The following GNB5 variants were observed in gnomAD, a reference collection of about 807,000 sequenced individuals.
GNB5 encodes the protein G protein subunit beta 5.
GNB5 carries 37 observed loss-of-function variants against 55.3 expected under a neutral mutation model. The ratio of observed to expected loss-of-function variants is 0.67; its 90% CI spans 0.51 to 0.88. The LOEUF is 0.88. Among genes scored for constraint, GNB5 ranks in the 40% least tolerant of loss-of-function variants. The pLI is 0.00. For synonymous variants in GNB5, 219 were observed against 198.5 expected, an observed-to-expected ratio of 1.10 and a Z score of -0.87; for missense variants, 476 against 515.3, an observed-to-expected ratio of 0.92 and a Z score of 0.74.
At chr15:52,156,523 G>C (rs1275186460) in intron 3 of GNB5, among the ~76,000 whole-genome samples, 4 of 152,210 alleles carry the variant, frequency 2.6e-5, no homozygotes, top group Non-Finnish European at 2.9e-5. Flanking sequence ...CTTGAGCTCA[G>C]GAGTCTGAGA....
rs952584941 is a variant in GNB5, at chr15:52,118,546, G to C, written c.*4211C>G. On this transcript the variant is annotated 3_prime_UTR_variant, in exon 13 of 13. Coordinates refer to ENST00000261837, the MANE Select transcript of GNB5 (RefSeq NM_016194.4). ...AATATGGATAGATACAATCCACAAT[G>C]AGCAAGTTATTTGGGGTCCTCAATA... 7 of 152,068 alleles carry C rather than the reference G, an allele frequency of 4.6e-5. No homozygotes were observed. Among genetic ancestry groups the C allele is most frequent in the African/African-American group, 1.7e-4 (7 of 41,378 alleles). 9.4% of individuals were successfully genotyped at this position (152,068 alleles called of 1,614,324 possible).
At chr15:52,126,826 C>T (rs959991577) in intron 10 of GNB5, among the ~76,000 whole-genome samples, 5 of 152,138 alleles carry the variant, frequency 3.3e-5, no homozygotes, top group Middle Eastern at 3.4e-3. Context: ...AATGGAATTT[C>T]GCTCGTCACC....
chr15:52,137,490 T>C, intron 7 of GNB5: 1 of 1,017,950 alleles, frequency 9.8e-7, no homozygotes, highest in Non-Finnish European at 1.2e-6. Context: ...CTCTGGAAGC[T>C]TCTGGGCAGG....
At chr15:52,137,703 T>C (rs888375425) in intron 7 of GNB5, 53 of 1,186,246 alleles carry the variant, frequency 4.5e-5, no homozygotes, top group East Asian at 1.2e-4. Flanking sequence ...CATACCTTCC[T>C]GGGATTGGGA....
chr15:52,189,536 C>A (rs569927944), intron 1 of GNB5, among the ~76,000 whole-genome samples: 1 of 151,960 alleles, frequency 6.6e-6, no homozygotes, highest in Admixed American at 6.6e-5. Flanking sequence ...GCCAAGATCG[C>A]GCCACTGAAA....
At chr15:52,163,588 T>C (rs2034387417) in intron 3 of GNB5, among the ~76,000 whole-genome samples, 1 of 152,100 alleles carries the variant, frequency 6.6e-6, no homozygotes, top group Non-Finnish European at 1.5e-5. Flanking sequence ...TGGGAGGAAT[T>C]CCCCACAGCG....
chr15:52,135,726 C>G lies in GNB5; in HGVS notation c.658G>C (p.Ala220Pro). 1 of 1,612,882 alleles carries G rather than the reference C, an allele frequency of 6.2e-7. No individual in the cohort carries two copies. Among genetic ancestry groups the G allele is most frequent in the Non-Finnish European group, 8.5e-7 (1 of 1,179,860 alleles). ...TGCCCGCTCTCCACGTCCCACAGGG[C>G]ACATGTGCCATCGCCGCTCGCTGTC... ...ILTASGDGTC[A>P]LWDVESGQLL... The change falls in exon 8 of 13, where the codon GCC becomes CCC. Residue 220 changes from alanine (A) to proline (P), a missense_variant. Coordinates refer to ENST00000261837, the MANE Select transcript of GNB5 (RefSeq NM_016194.4).
intron 3 of GNB5, among the ~76,000 whole-genome samples, 193 bp from the exon 4 acceptor site, chr15:52,154,269 G>A (rs1231229809): frequency 6.6e-6 from 1 of 152,206 alleles, no homozygotes; most frequent in Non-Finnish European, 1.5e-5. Context: ...TCAGTAGAGG[G>A]TAGAGACAAT....
Position 52,117,662 on chromosome 15 carries a change from G to C in GNB5, c.*5095C>G, listed in dbSNP as rs2033172801. 1 of 152,368 alleles carries C rather than the reference G, an allele frequency of 6.6e-6. No individual in the cohort carries two copies. Among genetic ancestry groups the C allele is most frequent in the African/African-American group, 2.4e-5 (1 of 41,470 alleles). 9.4% of individuals were successfully genotyped at this position (152,368 alleles called of 1,614,324 possible). Reference sequence around the variant, plus strand: ...AAGTGCTGTCTAGAAGCAGGAGTCTGTGGTATGTCTGGAAGAGTGACCCAA... The same window carrying C: ...AAGTGCTGTCTAGAAGCAGGAGTCTCTGGTATGTCTGGAAGAGTGACCCAA... On this transcript the variant is annotated 3_prime_UTR_variant, in exon 13 of 13. Transcript: ENST00000261837.
intron 6 of GNB5, chr15:52,143,852 G>C (rs965091811): frequency 1.3e-5 from 2 of 152,214 alleles, no homozygotes; most frequent in Non-Finnish European, 2.9e-5. Flanking sequence ...GTCTGGGAAG[G>C]GGAGATGGTA....
intron 3 of GNB5, among the ~76,000 whole-genome samples, chr15:52,161,789 T>C (rs2034340055): frequency 6.6e-6 from 1 of 152,250 alleles, no homozygotes. Context: ...GGCCCTGTGC[T>C]GCGTGCCAGA....
chr15:52,181,561 A>G (rs922430238), intron 2 of GNB5, among the ~76,000 whole-genome samples: 3 of 152,168 alleles, frequency 2.0e-5, no homozygotes. Flanking sequence ...GGTTGCAGTG[A>G]GCCGAGATCG....
At chr15:52,137,015 T>G (rs1174205929) in intron 7 of GNB5, 1 of 454,106 alleles carries the variant, frequency 2.2e-6, no homozygotes, top group Non-Finnish European at 4.4e-6. Context: ...ACTCAAAGAC[T>G]GTTCGCTTGC....
Position 52,184,536 on chromosome 15 carries a change from T to C in GNB5, c.126+15A>G. On this transcript the variant is annotated intron_variant, in intron 2 of 12. Transcript: ENST00000261837. ...TTTAAGACAGATAACTGAATTTTTTTTAAGTGGCACTTACAATTTCTGCAC... is the reference window on the plus strand; with the variant it reads ...TTTAAGACAGATAACTGAATTTTTTCTAAGTGGCACTTACAATTTCTGCAC... 1 of 1,611,718 alleles carries C rather than the reference T, an allele frequency of 6.2e-7. No homozygotes were observed. The highest frequency in any genetic ancestry group is 8.5e-7 in the Non-Finnish European group (1 of 1,178,058).
intron 3 of GNB5, among the ~76,000 whole-genome samples, chr15:52,179,227 T>C (rs536992867): frequency 6.6e-6 from 1 of 152,114 alleles, no homozygotes; most frequent in East Asian, 1.9e-4. Flanking sequence ...TTCCCTTCTC[T>C]CTCCGTCATC....
intron 5 of GNB5, among the ~76,000 whole-genome samples, chr15:52,148,445 G>T (rs1394391194): frequency 6.6e-6 from 1 of 152,120 alleles, no homozygotes; most frequent in Non-Finnish European, 1.5e-5. Context: ...GGAAGAATGA[G>T]AACCACCGTG....
At chr15:52,141,344 A>G (rs977625398) in intron 6 of GNB5, 72 bp from the exon 7 acceptor site, 23 of 1,344,704 alleles carry the variant, frequency 1.7e-5, no homozygotes, top group African/African-American at 2.9e-5. Context: ...TTCCAATCAC[A>G]TGAACTTTTC....
intron 3 of GNB5, among the ~76,000 whole-genome samples, chr15:52,163,500 G>T (rs2034384399): frequency 6.6e-6 from 1 of 152,206 alleles, no homozygotes; most frequent in South Asian, 2.1e-4. Context: ...TGGACGTGTA[G>T]GAGGGACAGA....
intron 1 of GNB5, among the ~76,000 whole-genome samples, chr15:52,186,876 G>A (rs892294250): frequency 2.0e-5 from 3 of 152,196 alleles, no homozygotes; most frequent in Admixed American, 2.0e-4. Context: ...AGCACAGTTC[G>A]AGACCTCTGG....
Sources: allele counts gnomAD v4.1 joint callset (sites outside exome capture counted in the v4.1 genomes callset), GRCh38; gene constraint gnomAD v4.1.1; transcripts MANE v1.5; gene names NCBI Gene and HGNC (gene_info 2026-07-23, HGNC 2026-07-21).